The following GINS1 variants were observed in gnomAD, a reference collection of about 807,000 sequenced individuals.
The protein encoded by GINS1 is GINS complex subunit 1.
GINS1 carries 26 observed loss-of-function variants against 34.9 expected under a neutral mutation model. The ratio of observed to expected loss-of-function variants is 0.74; its 90% confidence interval spans 0.55 to 1.03. The LOEUF (loss-of-function observed/expected upper bound fraction) is 1.03, where lower values mean the gene tolerates loss of function less well. Ranked by LOEUF, GINS1 falls within the 50% of genes least tolerant of loss-of-function variation. The pLI is 0.00. For missense variants in GINS1, 235 were observed against 237.9 expected, an observed-to-expected ratio of 0.99 and a Z score of 0.08; for synonymous variants, 97 against 84.4, an observed-to-expected ratio of 1.15 and a Z score of -0.82.
In GINS1 at chr20:25,417,147, A is replaced by G. The variant is rs1385864351; in HGVS notation, c.184A>G (p.Ile62Val). ...TGGACGAAGTGATTTGATACCAACTATCAAATTTCGACACTGTTCTCTGTT... is the reference window on the plus strand; with the variant it reads ...TGGACGAAGTGATTTGATACCAACTGTCAAATTTCGACACTGTTCTCTGTT... ...SGGRSDLIPT[I>V]KFRHCSLLRN... Residue 62 changes from isoleucine (I) to valine (V), a missense_variant, in exon 3 of 7, where the codon ATC (isoleucine) becomes GTC (valine). Transcript: ENST00000262460. The G allele has an allele frequency of 1.3e-6, 2 of 1,598,378 alleles. No homozygotes were observed. Among genetic ancestry groups the G allele is most frequent in the East Asian group, 2.2e-5 (1 of 44,778 alleles).
chr20:25,407,854 G>C lies in GINS1; in HGVS notation c.34G>C (p.Glu12Gln). The C allele has an allele frequency of 6.2e-7, 1 of 1,613,988 alleles. No homozygotes were observed. Among genetic ancestry groups the C allele is most frequent in the Non-Finnish European group, 8.5e-7 (1 of 1,179,950 alleles). ...CGAAAAAGCCATGGAACTGATCCGC[G>C]AGCTGCATCGCGCGCCCGAAGGGCA... Reference protein sequence around the residue: ...FCEKAMELIRELHRAPEGQLP... With the variant: ...FCEKAMELIRQLHRAPEGQLP... Residue 12 changes from glutamate (E) to glutamine (Q), a missense_variant, in exon 1 of 7, where the codon GAG becomes CAG. Coordinates refer to ENST00000262460, the MANE Select transcript of GINS1 (RefSeq NM_021067.5).
chr20:25,440,835 AAG>A (rs958039197), intron 5 of GINS1, among the ~76,000 whole-genome samples: 76 of 151,572 alleles, frequency 5.0e-4, no homozygotes, highest in Middle Eastern at 3.4e-3. Flanking sequence ...AAAAAAAAGA[AAG>A]AAAAAACAGC....
At chr20:25,432,789 C>G (rs146603627) in intron 5 of GINS1, among the ~76,000 whole-genome samples, 1 of 150,422 alleles carries the variant, frequency 6.6e-6, no homozygotes, top group Non-Finnish European at 1.5e-5. Flanking sequence ...TTAGATGTGT[C>G]TATACTTGTT....
chr20:25,443,892 G>A (rs2090496288), intron 6 of GINS1, among the ~76,000 whole-genome samples: 1 of 151,960 alleles, frequency 6.6e-6, no homozygotes. Context: ...TTGGTATTAG[G>A]GGCTTCTAAT....
intron 2 of GINS1, among the ~76,000 whole-genome samples, chr20:25,416,188 C>T (rs1307425758): frequency 1.3e-5 from 2 of 151,900 alleles, no homozygotes; most frequent in Non-Finnish European, 2.9e-5. Context: ...GAGAGGTGAC[C>T]CAGACTTGGT....
intron 2 of GINS1, 119 bp downstream of exon 2, chr20:25,413,973 C>T (rs576630170): frequency 5.8e-5 from 36 of 623,544 alleles, no homozygotes; most frequent in African/African-American, 3.8e-4. Context: ...GGGCGGATTA[C>T]GAGGTCAGGA....
chr20:25,413,138 C>T (rs953186451), intron 1 of GINS1, among the ~76,000 whole-genome samples: 2 of 151,430 alleles, frequency 1.3e-5, no homozygotes, highest in Admixed American at 1.3e-4. Flanking sequence ...TGGCTCATTG[C>T]AACCCGGGTT....
At chr20:25,419,353 AAAC>A (rs938842057) in intron 4 of GINS1, among the ~76,000 whole-genome samples, 3 of 151,948 alleles carry the variant, frequency 2.0e-5, no homozygotes, top group African/African-American at 4.8e-5. Flanking sequence ...GAAAAAAAAA[AAAC>A]AAATATTCAA....
intron 1 of GINS1, among the ~76,000 whole-genome samples, chr20:25,413,249 A>C (rs551088220): frequency 6.6e-6 from 1 of 152,000 alleles, no homozygotes; most frequent in Non-Finnish European, 1.5e-5. Flanking sequence ...GGGTTTCACC[A>C]TGTTGACCAG....
chr20:25,440,949 G>A (rs1469263844), intron 5 of GINS1, among the ~76,000 whole-genome samples: 5 of 152,234 alleles, frequency 3.3e-5, no homozygotes, highest in Admixed American at 2.6e-4. Flanking sequence ...GGTAGGACAT[G>A]ATAAAATTAT....
At chr20:25,439,490 A>T (rs2146221375) in intron 5 of GINS1, among the ~76,000 whole-genome samples, 1 of 152,198 alleles carries the variant, frequency 6.6e-6, no homozygotes, top group South Asian at 2.1e-4. Flanking sequence ...GTGACAAACT[A>T]CTCACCCAAT....
chr20:25,413,187 G>A (rs1461271377), intron 1 of GINS1, among the ~76,000 whole-genome samples: 1 of 152,004 alleles, frequency 6.6e-6, no homozygotes, highest in African/African-American at 2.4e-5. Context: ...GAATAGCTGG[G>A]ATTACAGCCT....
At chr20:25,431,890 CAG>C (rs776403290) in intron 5 of GINS1, among the ~76,000 whole-genome samples, 1 of 150,926 alleles carries the variant, frequency 6.6e-6, no homozygotes, top group Non-Finnish European at 1.5e-5. Flanking sequence ...GTTTTTGAGA[CAG>C]AGTCTCACTG....
intron 2 of GINS1, among the ~76,000 whole-genome samples, chr20:25,415,653 C>G (rs1421569071): frequency 1.3e-5 from 2 of 149,202 alleles, no homozygotes; most frequent in African/African-American, 5.0e-5. Flanking sequence ...TCATTGCACT[C>G]CAGCTTGGGC....
At chr20:25,428,197 G>C (rs1278797461) in intron 5 of GINS1, among the ~76,000 whole-genome samples, 2 of 151,528 alleles carry the variant, frequency 1.3e-5, no homozygotes, top group African/African-American at 4.8e-5. Context: ...TGTTGGTTGT[G>C]CCTTAGGAGT....
chr20:25,435,874 G>T (rs1188757295), intron 5 of GINS1, among the ~76,000 whole-genome samples: 2 of 143,628 alleles, frequency 1.4e-5, no homozygotes, highest in African/African-American at 5.2e-5. Context: ...GTGCAGTGGC[G>T]CAATCTCAGC....
At position 25,417,149 on chromosome 20, in the gene GINS1, C is replaced by A. The variant is rs1424673826; in HGVS notation, c.186C>A (p.Ile62=). Residue 62 remains isoleucine, a synonymous_variant, in exon 3 of 7, where the codon ATC becomes ATA. Coordinates refer to ENST00000262460, the MANE Select transcript of GINS1 (RefSeq NM_021067.5). The part of the protein sequence containing the change: ...SGGRSDLIPT[I]KFRHCSLLRN... ...GACGAAGTGATTTGATACCAACTAT[C>A]AAATTTCGACACTGTTCTCTGTTAA... 6.3e-7 allele frequency: 1 copy of A among 1,597,750 alleles called. No homozygotes were observed. The highest frequency in any genetic ancestry group is 2.2e-5 in the East Asian group (1 of 44,744).
At chr20:25,439,125 T>C (rs2090469216) in intron 5 of GINS1, among the ~76,000 whole-genome samples, 1 of 152,166 alleles carries the variant, frequency 6.6e-6, no homozygotes, top group Admixed American at 6.6e-5. Flanking sequence ...CTAAAACCTT[T>C]CAGTAGATAA....
chr20:25,413,914 G>T lies in GINS1; in HGVS notation c.140+60G>T. 9 of 1,005,884 alleles carry T rather than the reference G, an allele frequency of 8.9e-6. No homozygotes were observed. In the South Asian group the frequency reaches 1.0e-4, roughly 11 times the overall value. 62.3% of individuals were successfully genotyped at this position (1,005,884 alleles called of 1,614,324 possible). A position where few individuals can be genotyped will look rare whatever the true frequency, so the allele number is the denominator to read the frequency against. On this transcript the variant is annotated intron_variant, in intron 2 of 6. Coordinates refer to ENST00000262460, the MANE Select transcript of GINS1 (RefSeq NM_021067.5). ...AATAATTAAGATGTTGAAATTGGCC[G>T]GGCGCGGTGGCTCACGCCTGTAATC... is the stretch of plus-strand genomic sequence containing the variant.
Sources: allele counts gnomAD v4.1 joint callset (sites outside exome capture counted in the v4.1 genomes callset), GRCh38; gene constraint gnomAD v4.1.1; transcripts MANE v1.5; gene names NCBI Gene and HGNC (gene_info 2026-07-23, HGNC 2026-07-21).